The following GNAL variants were observed in gnomAD, a reference collection of about 807,000 sequenced individuals.
GNAL encodes guanine nucleotide-binding protein G(olf) subunit alpha.
Under a neutral mutation model 55.1 loss-of-function variants are expected in GNAL, and 18 were observed. That is an observed-to-expected ratio of 0.33 (90% CI 0.23 to 0.48). The LOEUF is 0.48. Ranked by LOEUF, GNAL falls within the 20% of genes least tolerant of loss-of-function variation. GNAL has a pLI of 0.99. For synonymous variants in GNAL, 253 were observed against 237.0 expected (o/e 1.07, Z -0.62); for missense variants, 412 against 614.1 (o/e 0.67, Z 3.48).
chr18:11,789,846 G>A (rs1427872557), intron 4 of GNAL, among the ~76,000 whole-genome samples: 6 of 152,182 alleles, frequency 3.9e-5, no homozygotes, highest in Non-Finnish European at 8.8e-5. Context: ...TGTTGTTAGT[G>A]TCAGTGTAAT....
intron 5 of GNAL, chr18:11,857,168 T>A (rs988106446): frequency 6.6e-6 from 1 of 152,134 alleles, no homozygotes; most frequent in African/African-American, 2.4e-5. Context: ...AGATCAGGAC[T>A]GTTTACACAG....
At position 11,877,408 on chromosome 18, in the gene GNAL, C is replaced by T. The variant is rs146902281; in HGVS notation, c.1230+720C>T. On this transcript the variant is annotated intron_variant, in intron 11 of 11. Coordinates refer to ENST00000334049, the MANE Select transcript of GNAL (RefSeq NM_182978.4). ...AGGCGGAGGTTGCGGTGAGCCGAGA[C>T]CACACCACTGCACTCCAGCCTGGCC... Among the ~76,000 whole-genome samples the T allele has an allele frequency of 2.5e-3, 375 of 152,246 alleles. 4 individuals are homozygous for T. Among genetic ancestry groups the T allele is most frequent in the South Asian group, 8.7e-3 (42 of 4,824 alleles).
chr18:11,781,908 C>G (rs1780754167), intron 4 of GNAL, among the ~76,000 whole-genome samples: 1 of 152,074 alleles, frequency 6.6e-6, no homozygotes, highest in African/African-American at 2.4e-5. Context: ...GAAACATGTT[C>G]AAGAATATTC....
Position 11,824,956 on chromosome 18 carries a change from A to C in GNAL, c.663A>C (p.Glu221Asp). The part of the protein sequence containing the change: ...FDHVKKLWDD[E>D]GVKACFERSN... ...ATGTGAAAAAACTTTGGGACGATGA[A>C]GGCGTGAAGGCATGCTTTGAGAGAT... Residue 221 changes from glutamate to aspartate, a missense_variant, in exon 5 of 12, where the codon GAA (glutamate) becomes GAC (aspartate). Around this residue, in one of 5 missense-constraint regions of GNAL, gnomAD observed 53 missense variants for 182.7 expected, o/e 0.29. Coordinates refer to ENST00000334049, the MANE Select transcript of GNAL (RefSeq NM_182978.4). The C allele has an allele frequency of 6.2e-7, 1 of 1,605,858 alleles. No individual in the cohort carries two copies.
At chr18:11,775,123 A>T (rs2033744713) in intron 4 of GNAL, among the ~76,000 whole-genome samples, 1 of 152,180 alleles carries the variant, frequency 6.6e-6, no homozygotes, top group South Asian at 2.1e-4. Context: ...GATTTACTGA[A>T]GACAGCCTTT....
At chr18:11,716,335 T>A (rs972753340) in intron 1 of GNAL, among the ~76,000 whole-genome samples, 8 of 152,170 alleles carry the variant, frequency 5.3e-5, no homozygotes, top group Admixed American at 2.0e-4. Context: ...TCTGGTGGGT[T>A]CGTGGTCTCA....
At chr18:11,858,707 CATTTT>C (rs1254932659) in intron 5 of GNAL, among the ~76,000 whole-genome samples, 1 of 151,404 alleles carries the variant, frequency 6.6e-6, no homozygotes, top group Non-Finnish European at 1.5e-5. Flanking sequence ...TGAATATTCA[CATTTT>C]ATTTTCATTG....
chr18:11,866,287 A>G (rs1164452926), intron 7 of GNAL, among the ~76,000 whole-genome samples: 1 of 150,258 alleles, frequency 6.7e-6, no homozygotes, highest in African/African-American at 2.5e-5. Flanking sequence ...GCTAATGTAA[A>G]GCGTACGGAT....
intron 4 of GNAL, among the ~76,000 whole-genome samples, chr18:11,785,040 C>G (rs1312459844): frequency 6.6e-6 from 1 of 152,190 alleles, no homozygotes; most frequent in Non-Finnish European, 1.5e-5. Context: ...TTTTTAGTTT[C>G]TGCAAAGTCT....
intron 5 of GNAL, chr18:11,853,324 G>C (rs2035926067): frequency 6.0e-6 from 1 of 167,136 alleles, no homozygotes; most frequent in Non-Finnish European, 1.5e-5. Context: ...CAGCTGTGCT[G>C]CCTGCCATCT....
chr18:11,779,589 A>T (rs1189547926), intron 4 of GNAL, among the ~76,000 whole-genome samples: 1 of 152,184 alleles, frequency 6.6e-6, no homozygotes, highest in Non-Finnish European at 1.5e-5. Context: ...CATCCTACAA[A>T]CAATCAGATC....
chr18:11,784,658 A>G (rs1477992287), intron 4 of GNAL, among the ~76,000 whole-genome samples: 3 of 152,220 alleles, frequency 2.0e-5, no homozygotes, highest in Non-Finnish European at 1.5e-5. Context: ...TTTATTTCTA[A>G]GTCAAGAAGT....
chr18:11,746,868 A>G (rs1158982291), intron 1 of GNAL: 15 of 537,002 alleles, frequency 2.8e-5, no homozygotes, highest in South Asian at 1.5e-4. Context: ...ACCCTCTTGA[A>G]CTCTGAGGAA....
intron 5 of GNAL, among the ~76,000 whole-genome samples, chr18:11,838,740 G>A (rs145051650): frequency 6.6e-6 from 1 of 152,268 alleles, no homozygotes; most frequent in Non-Finnish European, 1.5e-5. Context: ...GAGATCCATA[G>A]CATTTCAGAT....
At chr18:11,867,275 C>A in intron 8 of GNAL, 49 bp downstream of exon 8, 1 of 1,084,030 alleles carries the variant, frequency 9.2e-7, no homozygotes, top group Non-Finnish European at 1.4e-6. Flanking sequence ...TTCTAACACT[C>A]AGCACTGCTG....
At chr18:11,845,010 C>CAT (rs2035700286) in intron 5 of GNAL, among the ~76,000 whole-genome samples, 1 of 152,064 alleles carries the variant, frequency 6.6e-6, no homozygotes, top group African/African-American at 2.4e-5. Flanking sequence ...GGACTACAGG[C>CAT]ATGTGCCACC....
At position 11,879,125 on chromosome 18, in the gene GNAL, A is replaced by AAT. The variant is rs1567907901; in HGVS notation, c.1231-1852_1231-1851dup. On this transcript the variant is annotated intron_variant, in intron 11 of 11. Coordinates refer to ENST00000334049, the MANE Select transcript of GNAL (RefSeq NM_182978.4). ...TATAATAAAATATATATATATTAAA[A>AAT]ATATATATATATAACCTACTCATTT... 1.8e-4 allele frequency among the ~76,000 whole-genome samples: 27 copies of AAT among 149,968 alleles called. No homozygotes were observed. The East Asian group carries it at 2.9e-3, about 16-fold the overall frequency.
intron 1 of GNAL, among the ~76,000 whole-genome samples, chr18:11,731,709 G>A (rs2032344137): frequency 6.6e-6 from 1 of 152,110 alleles, no homozygotes; most frequent in African/African-American, 2.4e-5. Flanking sequence ...ACAATTCAGT[G>A]TGTTTAGCAT....
At chr18:11,816,700 G>A (rs2034964956) in intron 4 of GNAL, among the ~76,000 whole-genome samples, 1 of 151,862 alleles carries the variant, frequency 6.6e-6, no homozygotes, top group African/African-American at 2.4e-5. Context: ...TGTAATCCCA[G>A]CTACTGGGGA....
Sources: gnomAD v4.1 joint callset for allele counts (sites outside exome capture counted in the v4.1 genomes callset) on GRCh38, gnomAD v4.1.1 for gene constraint, gnomAD v4.1.1 regional missense constraint, MANE v1.5 for transcripts, NCBI Gene and HGNC (gene_info 2026-07-23, HGNC 2026-07-21) for gene names.